The following PCDHGA6 variants were observed in gnomAD, a reference collection of about 807,000 sequenced individuals.
PCDHGA6 encodes the protein protocadherin gamma-A6.
A neutral mutation model predicts 60.6 loss-of-function variants in PCDHGA6; 41 were observed. The ratio of observed to expected loss-of-function variants is 0.68; its 90% CI spans 0.53 to 0.88. The LOEUF is 0.88. Among genes scored for constraint, PCDHGA6 ranks in the 40% least tolerant of loss-of-function variants. The probability of loss-of-function intolerance (pLI) is 0.00; values close to 1 mark genes in which losing one functional copy is unlikely to be tolerated. For missense variants in PCDHGA6, 1,312 were observed against 1,203.0 expected (o/e 1.09, Z -1.34); for synonymous variants, 594 against 524.4 (o/e 1.13, Z -1.81).
Position 141,432,849 on chromosome 5 carries a change from T to G in PCDHGA6, c.2424+56342T>G. The G allele has an allele frequency of 1.2e-6, 2 of 1,614,194 alleles. No homozygotes were observed. The highest frequency in any genetic ancestry group is 2.2e-5 in the South Asian group (2 of 91,092). ...CTCACTCTGTACCTGGTGGTAGCGG[T>G]GGCCGCGGTCTCCTGCGTCTTCCTG... On this transcript the variant is annotated intron_variant, in intron 1 of 3. Coordinates refer to ENST00000517434, the MANE Select transcript of PCDHGA6 (RefSeq NM_018919.3). This position sits in a 1 kb window ranked among gnomAD's most constrained non-coding sequence, Gnocchi z 6.0.
At chr5:141,473,205 A>G (rs370808895) in intron 1 of PCDHGA6, among the ~76,000 whole-genome samples, 1 of 152,036 alleles carries the variant, frequency 6.6e-6, no homozygotes, top group African/African-American at 2.4e-5. Flanking sequence ...CTTCTAAAAA[A>G]TGCTTACTTC....
chr5:141,422,661 C>T (rs1289162498), intron 1 of PCDHGA6: 7 of 1,608,938 alleles, frequency 4.4e-6, no homozygotes, highest in Admixed American at 1.7e-5. Flanking sequence ...TGACCGCCCT[C>T]GACCCGGACA....
At chr5:141,458,774 A>G (rs2154566349) in intron 1 of PCDHGA6, among the ~76,000 whole-genome samples, 1 of 151,812 alleles carries the variant, frequency 6.6e-6, no homozygotes, top group Admixed American at 6.6e-5. Flanking sequence ...GCTGTGTCAC[A>G]CAGGCTGGAG....
chr5:141,414,469 G>T (rs944183814), intron 1 of PCDHGA6: 1 of 1,613,742 alleles, frequency 6.2e-7, no homozygotes, highest in African/African-American at 1.3e-5. Context: ...CACAGATGGG[G>T]GAAGTCCTCC....
At chr5:141,492,703 G>A (rs2099743198) in intron 1 of PCDHGA6, among the ~76,000 whole-genome samples, 1 of 152,246 alleles carries the variant, frequency 6.6e-6, no homozygotes, top group Non-Finnish European at 1.5e-5. Flanking sequence ...CAACCCAGAA[G>A]CCTCGAGCAG....
At chr5:141,422,501 CCA>C in intron 1 of PCDHGA6, 1 of 1,613,928 alleles carries the variant, frequency 6.2e-7, no homozygotes, top group African/African-American at 1.3e-5. Flanking sequence ...ACGTTGACAG[CCA>C]CAGACCAGGG....
chr5:141,427,193 C>T (rs1427995075), intron 1 of PCDHGA6: 1 of 456,496 alleles, frequency 2.2e-6, no homozygotes, highest in Admixed American at 2.4e-5. Context: ...AATCCAAAGA[C>T]TTAATAGACT....
Position 141,489,090 on chromosome 5 carries a change from C to CCAA in PCDHGA6, c.2425-5717_2425-5716insCAA, listed in dbSNP as rs2099682444. 1 of 328,824 alleles carries CCAA rather than the reference C, an allele frequency of 3.0e-6. No individual in the cohort carries two copies. Among genetic ancestry groups the CCAA allele is most frequent in the Admixed American group, 6.1e-5 (1 of 16,500 alleles). The allele number at this position is 328,824 out of a possible 1,614,324, so 20.4% of individuals were successfully genotyped here. ...CCTGCCCACCCCCGCCACTCGGTGA[C>CCAA]TAAGAACTGCTGCAAGCAGGCAAAC... On this transcript the variant is annotated intron_variant, in intron 1 of 3. Transcript: ENST00000517434. This position sits in a 1 kb window ranked among gnomAD's most constrained non-coding sequence, Gnocchi z 4.5.
rs1221295650 is a variant in PCDHGA6 at position 141,489,576 on chromosome 5, C to A, written c.2425-5231C>A. 3 of 1,613,936 alleles carry A rather than the reference C, an allele frequency of 1.9e-6. No individual in the cohort carries two copies. Among genetic ancestry groups the A allele is most frequent in the Non-Finnish European group, 2.5e-6 (3 of 1,179,984 alleles). ...TGCCAGTGCAGGTGGTGACTGAACA[C>A]CCCCTGGAGCTAATCCGTGTAGAGG... On this transcript the variant is annotated intron_variant, in intron 1 of 3. Transcript: ENST00000517434. This position sits in a 1 kb window ranked among gnomAD's most constrained non-coding sequence, Gnocchi z 4.5.
rs1299495432 is a variant in PCDHGA6, at chr5:141,375,221, G to C, written c.1138G>C (p.Gly380Arg). The C allele has an allele frequency of 1.9e-5, 31 of 1,613,820 alleles. No homozygotes were observed. The highest frequency in any genetic ancestry group is 2.6e-5 in the Non-Finnish European group (31 of 1,179,898). The change falls in exon 1 of 4, where the codon GGC becomes CGC. Residue 380 changes from glycine to arginine, a missense_variant. By Grantham distance (125) the Gly-to-Arg change is moderately radical. Transcript: ENST00000517434. Reference sequence around the variant, plus strand: ...GTTCGATCGAGACTCTGGCCTGAATGGCCTGGTAACCTGTTCCATCCCGAG... The same window carrying C: ...GTTCGATCGAGACTCTGGCCTGAATCGCCTGGTAACCTGTTCCATCCCGAG... ...QVFDRDSGLN[G>R]LVTCSIPRSL...
At position 141,477,415 on chromosome 5, in the gene PCDHGA6, A is replaced by T. The variant is rs771293212; in HGVS notation, c.2425-17392A>T. On this transcript the variant is annotated intron_variant, in intron 1 of 3. Coordinates refer to ENST00000517434, the MANE Select transcript of PCDHGA6 (RefSeq NM_018919.3). This position sits in a 1 kb window ranked among gnomAD's most constrained non-coding sequence, Gnocchi z 4.9. ...TCAGCATCACCGCCCGAGACGCCGG[A>T]ACCCCTTCCCTCTCAGCCCTTACAA... 12 of 1,614,162 alleles carry T rather than the reference A, an allele frequency of 7.4e-6. No individual in the cohort carries two copies. The highest frequency in any genetic ancestry group is 1.0e-5 in the Non-Finnish European group (12 of 1,180,020).
chr5:141,395,181 T>C (rs758854683), intron 1 of PCDHGA6: 3 of 1,614,030 alleles, frequency 1.9e-6, no homozygotes, highest in Non-Finnish European at 2.5e-6. Context: ...GAAAAATGAT[T>C]CTTTGTTAAC....
At chr5:141,408,901 G>T (rs529239605) in intron 1 of PCDHGA6, 2 of 1,613,100 alleles carry the variant, frequency 1.2e-6, no homozygotes, top group African/African-American at 2.7e-5. Flanking sequence ...TTTCTGTCAA[G>T]GATACCAATG....
chr5:141,483,716 G>C (rs772661472), intron 1 of PCDHGA6, among the ~76,000 whole-genome samples: 1 of 151,974 alleles, frequency 6.6e-6, no homozygotes, highest in Non-Finnish European at 1.5e-5. Context: ...CCAGAATATT[G>C]GTTCCCACCA....
At position 141,493,262 on chromosome 5, in the gene PCDHGA6, A is replaced by G. The variant is rs148431133; in HGVS notation, c.2425-1545A>G. ...GGTACTAACATGCCTCTCTTATAAC[A>G]GCTTCACAGAGGTCAAGTGACTTGC... is the stretch of plus-strand genomic sequence containing the variant. On this transcript the variant is annotated intron_variant, in intron 1 of 3. Transcript: ENST00000517434. This position sits in a 1 kb window ranked among gnomAD's most constrained non-coding sequence, Gnocchi z 4.3. 5.1e-4 allele frequency among the ~76,000 whole-genome samples: 78 copies of G among 152,302 alleles called. No homozygotes were observed. Among genetic ancestry groups the G allele is most frequent in the African/African-American group, 1.7e-3 (72 of 41,574 alleles).
At chr5:141,427,721 A>C (rs904969652) in intron 1 of PCDHGA6, 3 of 1,110,498 alleles carry the variant, frequency 2.7e-6, no homozygotes, top group Non-Finnish European at 4.0e-6. Context: ...ACCTGGACCT[A>C]GGGCTGAATG....
At chr5:141,389,823 G>C in intron 1 of PCDHGA6, 11 of 1,613,944 alleles carry the variant, frequency 6.8e-6, no homozygotes, top group Non-Finnish European at 6.8e-6. Flanking sequence ...CGTGCGTGAC[G>C]GTGGACAGCC....
chr5:141,460,909 G>GGT (rs548378036), intron 1 of PCDHGA6, among the ~76,000 whole-genome samples: 1,853 of 123,260 alleles, frequency 0.015, 18 homozygotes, highest in Non-Finnish European at 0.019. Context: ...AATATTCCAT[G>GGT]GTGTATATAT....
intron 1 of PCDHGA6, chr5:141,428,078 C>A (rs747287202): frequency 1.2e-6 from 2 of 1,609,216 alleles, no homozygotes; most frequent in Admixed American, 3.3e-5. Flanking sequence ...ATTCGGGACA[C>A]AACGCTTGGC....
Sources: gnomAD v4.1 joint callset for allele counts (sites outside exome capture counted in the v4.1 genomes callset) on GRCh38, gnomAD v4.1.1 for gene constraint, Gnocchi (gnomAD v3.1) non-coding constraint, MANE v1.5 for transcripts, NCBI Gene and HGNC (gene_info 2026-07-23, HGNC 2026-07-21) for gene names.